Variants in PDCD6IP observed in about 807,000 individuals in gnomAD.
PDCD6IP encodes programmed cell death 6-interacting protein.
Under a neutral mutation model 103.7 loss-of-function variants are expected in PDCD6IP, and 43 were observed. The observed-to-expected ratio is 0.41, with a 90% confidence interval of 0.32 to 0.53. The LOEUF is 0.53. Ranked by LOEUF, PDCD6IP falls within the 20% of genes least tolerant of loss-of-function variation. The pLI, the probability that PDCD6IP is intolerant of heterozygous loss-of-function variation, is 0.16. For missense variants in PDCD6IP, 871 were observed against 1,036.7 expected (o/e 0.84, Z 2.20); for synonymous variants, 354 against 378.7 (o/e 0.93, Z 0.76).
chr3:33,846,429 C>T lies in PDCD6IP; in HGVS notation c.1641+841C>T, dbSNP rs573851658. On this transcript the variant is annotated intron_variant, in intron 12 of 17. Transcript: ENST00000307296. ...ACATACAAATTACACACAGGCTTTA[C>T]CCTCAATTTATGATCCATTGTGGAA... Among the ~76,000 whole-genome samples, 313 of 152,246 alleles carry T rather than the reference C, an allele frequency of 2.1e-3. 3 individuals carry two copies. The highest frequency in any genetic ancestry group is 7.0e-3 in the African/African-American group (290 of 41,538).
intron 12 of PDCD6IP, among the ~76,000 whole-genome samples, chr3:33,851,402 G>A (rs888981021): frequency 7.2e-5 from 11 of 151,954 alleles, no homozygotes; most frequent in African/African-American, 2.7e-4. Flanking sequence ...ATATGAAGGG[G>A]TATTTATGAA....
chr3:33,814,179 T>C (rs1481422448), intron 3 of PDCD6IP, among the ~76,000 whole-genome samples: 1 of 151,618 alleles, frequency 6.6e-6, no homozygotes, highest in African/African-American at 2.4e-5. Flanking sequence ...AGTTTTGCTC[T>C]TGTTGCCCAG....
In PDCD6IP at chr3:33,812,124, C is replaced by A; in HGVS notation, c.262C>A (p.Gln88Lys). ...IEPKFPFSEN[Q>K]ICLTFTWKDA... is the part of the protein sequence containing the mutation. ...ACCCAAATTCCCATTTTCTGAAAAT[C>A]AGGTAAGTCATTAATTCTGTCTTAA... The change falls in exon 2 of 18, where the codon CAG (glutamine) becomes AAG (lysine). Residue 88 changes from glutamine (Q) to lysine (K), a missense_variant and splice_region_variant. Transcript: ENST00000307296. The A allele has an allele frequency of 6.2e-7, 1 of 1,600,628 alleles. No individual in the cohort carries two copies. Among genetic ancestry groups the A allele is most frequent in the South Asian group, 1.1e-5 (1 of 88,902 alleles).
At chr3:33,805,806 G>A (rs1447089541) in intron 1 of PDCD6IP, among the ~76,000 whole-genome samples, 2 of 151,540 alleles carry the variant, frequency 1.3e-5, no homozygotes, top group African/African-American at 4.8e-5. Context: ...GTGCAGTGGC[G>A]CGATCTTGGC....
rs1259787731 is a variant in PDCD6IP, at chr3:33,865,323, T to A, written c.2325T>A (p.Ser775=). The A allele has an allele frequency of 1.9e-6, 3 of 1,595,624 alleles. No homozygotes were observed. The highest frequency in any genetic ancestry group is 2.6e-6 in the Non-Finnish European group (3 of 1,172,006). Residue 775 remains serine, a synonymous_variant, in exon 17 of 18, where the codon TCT becomes TCA. Transcript: ENST00000307296. The part of the protein sequence containing the change: ...ANRAPSATAP[S]PVGAGTAAPA... ...GAGCTCCTTCTGCTACTGCTCCATC[T>A]CCAGTGGGGGCTGGGACTGCTGCGC...
At chr3:33,813,295 G>A in intron 2 of PDCD6IP, 1 of 281,184 alleles carries the variant, frequency 3.6e-6, no homozygotes. Context: ...TTCCGTTGAA[G>A]TCATTGTGTG....
Position 33,866,374 on chromosome 3 carries a change from T to C in PDCD6IP, c.2456T>C (p.Met819Thr). 1 of 1,576,230 alleles carries C rather than the reference T, an allele frequency of 6.3e-7. No individual in the cohort carries two copies. The highest frequency in any genetic ancestry group is 1.9e-5 in the Admixed American group (1 of 53,116). ...YPGYCQMPMP[M>T]GYNPYAYGQY... is the part of the protein sequence containing the mutation. ...AGGTATTGCCAAATGCCCATGCCCA[T>C]GGGCTATAATCCTTATGCGTATGGC... Residue 819 changes from methionine to threonine, a missense_variant, in exon 18 of 18, where the codon ATG (methionine) becomes ACG (threonine). Physicochemically the swap from Met to Thr is moderately conservative, Grantham distance 81. Coordinates refer to ENST00000307296, the MANE Select transcript of PDCD6IP (RefSeq NM_013374.6).
At chr3:33,816,503 TAAAAAAAAAAAAAA>T (rs57317946) in intron 3 of PDCD6IP, among the ~76,000 whole-genome samples, 8 of 57,632 alleles carry the variant, frequency 1.4e-4, no homozygotes, top group African/African-American at 4.8e-4. Context: ...AGATTCTGTC[TAAAAAAAAAAAAAA>T]AAAAAAAAAA....
intron 3 of PDCD6IP, among the ~76,000 whole-genome samples, chr3:33,815,598 C>G (rs1221192748): frequency 6.6e-6 from 1 of 152,104 alleles, no homozygotes; most frequent in African/African-American, 2.4e-5. Context: ...GTTAGACAAG[C>G]TAGTGTGTGC....
rs1302644481 is a variant in PDCD6IP, at chr3:33,855,249, T to A, written c.2109T>A (p.Asp703Glu). 1.9e-6 allele frequency: 3 copies of A among 1,589,636 alleles called. No homozygotes were observed. The highest frequency in any genetic ancestry group is 2.2e-5 in the East Asian group (1 of 44,668). ...TTTTTGCACGGAAGACAGAAAGAGATGAACTCTTAAAGTAAGTCTGTTTTG... is the reference window on the plus strand; with the variant it reads ...TTTTTGCACGGAAGACAGAAAGAGAAGAACTCTTAAAGTAAGTCTGTTTTG... ...DIVFARKTER[D>E]ELLKDLQQSI... The change falls in exon 15 of 18, where the codon GAT becomes GAA. Residue 703 changes from aspartate to glutamate, a missense_variant. Physicochemically the swap from Asp to Glu is conservative, Grantham distance 45. Transcript: ENST00000307296.
At chr3:33,835,883 C>T (rs1017135310) in intron 7 of PDCD6IP, among the ~76,000 whole-genome samples, 161 bp from the exon 8 acceptor site, 4 of 152,002 alleles carry the variant, frequency 2.6e-5, no homozygotes, top group African/African-American at 4.8e-5. Context: ...ATTTTGTGAT[C>T]GGAGAATTTC....
intron 4 of PDCD6IP, among the ~76,000 whole-genome samples, chr3:33,824,501 G>A (rs928004256): frequency 1.3e-5 from 2 of 151,970 alleles, no homozygotes; most frequent in South Asian, 4.2e-4. Context: ...CAGGTAATCT[G>A]CCCACCTCAG....
intron 15 of PDCD6IP, among the ~76,000 whole-genome samples, chr3:33,858,043 G>A (rs551267546): frequency 6.6e-6 from 1 of 152,098 alleles, no homozygotes; most frequent in Non-Finnish European, 1.5e-5. Flanking sequence ...GAAAACCCAA[G>A]AGAACCCCAA....
intron 5 of PDCD6IP, among the ~76,000 whole-genome samples, chr3:33,826,147 TTATA>T (rs1697118806): frequency 6.6e-6 from 1 of 152,132 alleles, no homozygotes; most frequent in Non-Finnish European, 1.5e-5. Context: ...GAGATAGAAT[TTATA>T]TACACTCAAG....
chr3:33,852,986 C>T (rs1339668148), intron 13 of PDCD6IP, among the ~76,000 whole-genome samples: 5 of 147,708 alleles, frequency 3.4e-5, no homozygotes, highest in Admixed American at 7.0e-5. Flanking sequence ...TGCAGTGGCG[C>T]GATCTTGGCT....
Position 33,844,192 on chromosome 3 carries a change from A to G in PDCD6IP, c.1440A>G (p.Pro480=), listed in dbSNP as rs111262678. The change falls in exon 11 of 18, where the codon CCA becomes CCG. Residue 480 remains proline (P), a synonymous_variant. Transcript: ENST00000307296. ...AKFKERWQRT[P]SNELYKPLRA... is the part of the protein sequence containing the mutation. ...TTAAGGAACGTTGGCAAAGGACACC[A>G]TCCAATGAACTGTATAAGCCTTTAA... The G allele has an allele frequency of 5.1e-4, 814 of 1,603,684 alleles. 2 individuals are homozygous for G. In the African/African-American group the frequency reaches 7.8e-3, roughly 15 times the overall value.
chr3:33,807,990 T>A (rs1360460884), intron 1 of PDCD6IP, among the ~76,000 whole-genome samples: 1 of 152,242 alleles, frequency 6.6e-6, no homozygotes, highest in East Asian at 1.9e-4. Context: ...GGCTTGTTCT[T>A]TGATAGCTCC....
intron 3 of PDCD6IP, among the ~76,000 whole-genome samples, chr3:33,813,834 T>C (rs1015309373): frequency 1.3e-5 from 2 of 152,196 alleles, no homozygotes; most frequent in African/African-American, 4.8e-5. Flanking sequence ...GTTATAAAAA[T>C]GAATAAAACC....
intron 7 of PDCD6IP, among the ~76,000 whole-genome samples, chr3:33,832,036 C>T (rs557142054): frequency 3.9e-5 from 6 of 152,316 alleles, no homozygotes; most frequent in African/African-American, 1.2e-4. Flanking sequence ...TAAAAAATCA[C>T]GTACACAAGT....
Sources: allele counts gnomAD v4.1 joint callset (sites outside exome capture counted in the v4.1 genomes callset), GRCh38; gene constraint gnomAD v4.1.1; transcripts MANE v1.5; gene names NCBI Gene and HGNC (gene_info 2026-07-23, HGNC 2026-07-21).